The following BICRAL variants were observed in gnomAD, a reference collection of about 807,000 sequenced individuals.
The protein encoded by BICRAL is BICRA like chromatin remodeling complex associated protein, also known as BRD4-interacting chromatin-remodeling complex-associated protein-like.
In BICRAL, 8 loss-of-function variants were observed where a neutral mutation model predicts 91.8. That is an observed-to-expected ratio of 0.09 (90% CI 0.05 to 0.16). The LOEUF is 0.16. BICRAL is among the 10% of genes least tolerant of loss of function. The probability of loss-of-function intolerance (pLI) is 1.00; values close to 1 mark genes in which losing one functional copy is unlikely to be tolerated. For synonymous variants in BICRAL, 445 were observed against 491.1 expected, an observed-to-expected ratio of 0.91 and a Z score of 1.24; for missense variants, 1,038 against 1,310.9, an observed-to-expected ratio of 0.79 and a Z score of 3.21.
rs769587432 is a variant in BICRAL, at chr6:42,864,695, T to C, written c.2489T>C (p.Leu830Pro). 6.2e-7 allele frequency: 1 copy of C among 1,613,836 alleles called. No homozygotes were observed. The highest frequency in any genetic ancestry group is 1.7e-5 in the Admixed American group (1 of 59,942). ...FQADFCCSFK[L>P]DKAAHETQFG... ...GCTGATTTCTGTTGTTCCTTCAAAC[T>C]TGATAAAGCTGCTCATGAGACACAG... Residue 830 changes from leucine to proline, a missense_variant, in exon 13 of 13, where the codon CTT becomes CCT. Leu to Pro is a moderately conservative substitution (Grantham distance 98). This residue lies in a region of BICRAL where 294 missense variants were observed against 292.6 expected (regional missense o/e 1.00). Transcript: ENST00000314073.
chr6:42,797,690 T>TA (rs886876589), intron 1 of BICRAL, among the ~76,000 whole-genome samples: 5 of 152,160 alleles, frequency 3.3e-5, no homozygotes, highest in Non-Finnish European at 7.3e-5. Context: ...TAAATTGTTA[T>TA]AGGCCTGGTG....
rs765298155 is a variant in BICRAL at position 42,867,324 on chromosome 6, A to C, written c.*1878A>C. 3 of 153,432 alleles carry C rather than the reference A, an allele frequency of 2.0e-5. No individual in the cohort carries two copies. Among genetic ancestry groups the C allele is most frequent in the Admixed American group, 1.9e-4 (3 of 15,426 alleles). The allele number at this position is 153,432 out of a possible 1,614,324, so 9.5% of individuals were successfully genotyped here. ...CCAGCCACATGCCCCAGCCAATACA[A>C]ATTGGAAAATCTGGCCCATTTTAGG... On this transcript the variant is annotated 3_prime_UTR_variant, in exon 13 of 13. Coordinates refer to ENST00000314073, the MANE Select transcript of BICRAL (RefSeq NM_001393499.1).
At position 42,868,210 on chromosome 6, in the gene BICRAL, G is replaced by A. The variant is rs976087629; in HGVS notation, c.*2764G>A. On this transcript the variant is annotated 3_prime_UTR_variant, in exon 13 of 13. Transcript: ENST00000314073. ...GAAAAAGAAATATTTTAGCTCTGAA[G>A]GATTTAGTAGATTCTGTTAGATTAG... The A allele has an allele frequency of 1.3e-5, 2 of 152,296 alleles. No homozygotes were observed. The highest frequency in any genetic ancestry group is 2.9e-5 in the Non-Finnish European group (2 of 68,004). 9.4% of individuals were successfully genotyped at this position (152,296 alleles called of 1,614,324 possible).
At chr6:42,790,922 G>A (rs1763254202) in intron 1 of BICRAL, among the ~76,000 whole-genome samples, 1 of 152,008 alleles carries the variant, frequency 6.6e-6, no homozygotes, top group Admixed American at 6.6e-5. Flanking sequence ...AGAGGTGAGA[G>A]AGCTGACTGC....
chr6:42,752,427 A>C (rs773972352), intron 1 of BICRAL, among the ~76,000 whole-genome samples: 3 of 152,202 alleles, frequency 2.0e-5, no homozygotes, highest in Admixed American at 6.5e-5. Context: ...AATTTGGGCA[A>C]ATAGTCACAA....
chr6:42,771,840 C>T (rs1462240630), intron 1 of BICRAL, among the ~76,000 whole-genome samples: 1 of 151,470 alleles, frequency 6.6e-6, no homozygotes, highest in East Asian at 1.9e-4. Context: ...GAATTGTAAT[C>T]AGAAAAGAAA....
chr6:42,787,694 G>C (rs1425466037), intron 1 of BICRAL, among the ~76,000 whole-genome samples: 1 of 152,170 alleles, frequency 6.6e-6, no homozygotes, highest in Non-Finnish European at 1.5e-5. Context: ...AATGAGAATA[G>C]AGAAATGTCT....
intron 1 of BICRAL, among the ~76,000 whole-genome samples, chr6:42,803,773 C>T (rs1763637058): frequency 6.6e-6 from 1 of 152,156 alleles, no homozygotes. Flanking sequence ...AGAAATGCGT[C>T]GCTAGACAAT....
intron 7 of BICRAL, among the ~76,000 whole-genome samples, chr6:42,853,043 C>CT (rs1315327455): frequency 2.2e-5 from 3 of 135,620 alleles, no homozygotes; most frequent in Admixed American, 8.3e-5. Flanking sequence ...CCAGCCTGGG[C>CT]GACAGAACAA....
intron 3 of BICRAL, 55 bp downstream of exon 3, chr6:42,822,118 A>G (rs1764153404): frequency 1.8e-6 from 2 of 1,090,772 alleles, no homozygotes; most frequent in Middle Eastern, 2.0e-4. Flanking sequence ...TTTGCTGAAC[A>G]CTAAGACAAC....
chr6:42,839,624 C>G (rs1764730286), intron 6 of BICRAL, among the ~76,000 whole-genome samples: 1 of 152,098 alleles, frequency 6.6e-6, no homozygotes, highest in African/African-American at 2.4e-5. Context: ...TTTTGAAGCT[C>G]ACCCATCATA....
chr6:42,788,019 C>T (rs1444620256), intron 1 of BICRAL, among the ~76,000 whole-genome samples: 1 of 151,624 alleles, frequency 6.6e-6, no homozygotes. Flanking sequence ...CTCAGCCTCT[C>T]CTGAGTAGCT....
At chr6:42,748,422 G>T (rs1762325600) in intron 1 of BICRAL, among the ~76,000 whole-genome samples, 1 of 152,162 alleles carries the variant, frequency 6.6e-6, no homozygotes, top group Non-Finnish European at 1.5e-5. Context: ...TAGGCATAGT[G>T]AATCTATGGG....
chr6:42,761,753 A>T (rs973490548), intron 1 of BICRAL, among the ~76,000 whole-genome samples: 2 of 152,072 alleles, frequency 1.3e-5, no homozygotes, highest in African/African-American at 4.8e-5. Context: ...TCTATAAAAA[A>T]TACCAAAAAA....
intron 1 of BICRAL, among the ~76,000 whole-genome samples, chr6:42,797,246 T>C (rs1763442023): frequency 6.6e-6 from 1 of 151,946 alleles, no homozygotes; most frequent in East Asian, 1.9e-4. Flanking sequence ...AGAACCAATT[T>C]AGGTTGGGAT....
At chr6:42,761,556 TAAAG>T (rs1470371892) in intron 1 of BICRAL, among the ~76,000 whole-genome samples, 5 of 152,326 alleles carry the variant, frequency 3.3e-5, no homozygotes, top group African/African-American at 9.6e-5. Flanking sequence ...AAAGTGCAGA[TAAAG>T]AAATATATAC....
At chr6:42,809,738 A>C (rs1763805090) in intron 1 of BICRAL, among the ~76,000 whole-genome samples, 1 of 151,858 alleles carries the variant, frequency 6.6e-6, no homozygotes, top group African/African-American at 2.4e-5. Context: ...AGCCTCCCAA[A>C]GTGCTGGAAT....
chr6:42,849,718 C>T (rs1046018508), intron 6 of BICRAL, among the ~76,000 whole-genome samples: 3 of 151,600 alleles, frequency 2.0e-5, no homozygotes, highest in African/African-American at 7.3e-5. Context: ...GGATTACAGG[C>T]ATGAGCCACT....
At chr6:42,793,856 T>C (rs779193855) in intron 1 of BICRAL, among the ~76,000 whole-genome samples, 14 of 147,402 alleles carry the variant, frequency 9.5e-5, no homozygotes, top group Non-Finnish European at 1.9e-4. Context: ...GAAGCTTCAC[T>C]AGTAGCTGGG....
Sources: gnomAD v4.1 joint callset for allele counts (sites outside exome capture counted in the v4.1 genomes callset) on GRCh38, gnomAD v4.1.1 for gene constraint, gnomAD v4.1.1 regional missense constraint, MANE v1.5 for transcripts, NCBI Gene and HGNC (gene_info 2026-07-23, HGNC 2026-07-21) for gene names.